Variants in TFCP2L1 observed in about 807,000 individuals in gnomAD.
TFCP2L1 encodes the protein transcription factor CP2 like 1.
A neutral mutation model predicts 72.2 loss-of-function variants in TFCP2L1; 12 were observed. The observed-to-expected ratio is 0.17, with a 90% CI of 0.11 to 0.27. TFCP2L1 has a LOEUF of 0.27. TFCP2L1 is among the 10% of genes least tolerant of loss of function. TFCP2L1 has a pLI of 1.00. For synonymous variants in TFCP2L1, 260 were observed against 251.0 expected (o/e 1.04, Z -0.34); for missense variants, 488 against 624.6 (o/e 0.78, Z 2.33).
At chr2:121,259,115 C>G (rs1226309421) in intron 2 of TFCP2L1, among the ~76,000 whole-genome samples, 1 of 152,076 alleles carries the variant, frequency 6.6e-6, no homozygotes, top group African/African-American at 2.4e-5. Flanking sequence ...GATGCGGTGG[C>G]TAATCCCAGC....
chr2:121,275,263 AGTCGCGGCGCCTG>A (rs1687123005), intron 2 of TFCP2L1, among the ~76,000 whole-genome samples: 1 of 7,436 alleles, frequency 1.3e-4, no homozygotes, highest in African/African-American at 1.6e-3. Flanking sequence ...GGGCGCCTGT[AGTCGCGGCGCCTG>A]TAGTCCCAGC....
chr2:121,225,638 T>C, intron 13 of TFCP2L1, 25 bp from the exon 14 acceptor site: 2 of 1,613,562 alleles, frequency 1.2e-6, no homozygotes, highest in Non-Finnish European at 1.7e-6. Context: ...AGAGAACATG[T>C]TCCTTCAACC....
intron 2 of TFCP2L1, among the ~76,000 whole-genome samples, 162 bp downstream of exon 2, chr2:121,280,958 C>T (rs1045194636): frequency 2.0e-5 from 3 of 152,062 alleles, no homozygotes; most frequent in Admixed American, 2.0e-4. Flanking sequence ...GGGGGTCACA[C>T]AGCTGGAAAA....
chr2:121,273,432 C>G (rs948534168), intron 2 of TFCP2L1, among the ~76,000 whole-genome samples: 1 of 152,192 alleles, frequency 6.6e-6, no homozygotes, highest in Admixed American at 6.5e-5. Context: ...AGTTTGCAAA[C>G]CTCTGTTCAA....
chr2:121,284,760 G>A (rs1687332252), intron 1 of TFCP2L1, among the ~76,000 whole-genome samples: 1 of 152,184 alleles, frequency 6.6e-6, no homozygotes, highest in Admixed American at 6.5e-5. Context: ...CGGCGGGCCG[G>A]CAGGTGCGCG....
At chr2:121,231,783 G>C in intron 13 of TFCP2L1, 43 bp downstream of exon 13, 1 of 1,603,548 alleles carries the variant, frequency 6.2e-7, no homozygotes, top group African/African-American at 1.3e-5. Flanking sequence ...TCCTCCCGTG[G>C]CCCAGAGCCC....
At position 121,218,832 on chromosome 2, in the gene TFCP2L1, G is replaced by C. The variant is rs1158304518; in HGVS notation, c.*5509C>G. 6.6e-6 allele frequency: 1 copy of C among 152,366 alleles called. No individual in the cohort carries two copies. The highest frequency in any genetic ancestry group is 1.5e-5 in the Non-Finnish European group (1 of 68,232). The allele number at this position is 152,366 out of a possible 1,614,324, so 9.4% of individuals were successfully genotyped here. A position where few individuals can be genotyped will look rare whatever the true frequency, so the allele number is the denominator to read the frequency against. On this transcript the variant is annotated 3_prime_UTR_variant, in exon 15 of 15. Coordinates refer to ENST00000263707, the MANE Select transcript of TFCP2L1 (RefSeq NM_014553.3). The stretch of plus-strand genomic sequence containing the variant: ...TGTGACCCATAGATTGGGGGAGGGA[G>C]GAAAGCCAGGAGGAGCTTTTGCAGA...
Position 121,224,385 on chromosome 2 carries a change from C to T in TFCP2L1, c.1396G>A (p.Glu466Lys). Reference sequence around the variant, plus strand: ...ATGATGTGGTAGCCATCATTGCTCTCAGCTGCAAGAGAGAAACACTGGGTG... The same window carrying T: ...ATGATGTGGTAGCCATCATTGCTCTTAGCTGCAAGAGAGAAACACTGGGTG... ...SCFVLSTIKA[E>K]SNDGYHIILK... Residue 466 changes from glutamate to lysine, a missense_variant and splice_region_variant, in exon 15 of 15, where the codon GAG becomes AAG. Glu to Lys is a moderately conservative substitution (Grantham distance 56). Transcript: ENST00000263707. 6.2e-7 allele frequency: 1 copy of T among 1,613,824 alleles called. No individual in the cohort carries two copies. Among genetic ancestry groups the T allele is most frequent in the Non-Finnish European group, 8.5e-7 (1 of 1,179,936 alleles).
chr2:121,261,004 C>T lies in TFCP2L1; in HGVS notation c.215-11357G>A, dbSNP rs372925983. 2.1e-4 allele frequency among the ~76,000 whole-genome samples: 32 copies of T among 152,338 alleles called. No homozygotes were observed. In the South Asian group the frequency reaches 4.6e-3, roughly 22 times the overall value. ...CTGGATGCCAACTGTCTGGTAATAA[C>T]GGTAGATGCAGAAAGCACAATCCTG... On this transcript the variant is annotated intron_variant, in intron 2 of 14. Coordinates refer to ENST00000263707, the MANE Select transcript of TFCP2L1 (RefSeq NM_014553.3).
At chr2:121,284,734 G>T (rs918897204) in intron 1 of TFCP2L1, among the ~76,000 whole-genome samples, 5 of 152,182 alleles carry the variant, frequency 3.3e-5, no homozygotes, top group African/African-American at 9.6e-5. Flanking sequence ...GCAGGGGGCG[G>T]ACGGGCCAGG....
chr2:121,273,163 G>A (rs1487784521), intron 2 of TFCP2L1, among the ~76,000 whole-genome samples: 3 of 152,156 alleles, frequency 2.0e-5, no homozygotes, highest in African/African-American at 7.2e-5. Context: ...CTATACTTAA[G>A]ACTCAAGAGT....
intron 2 of TFCP2L1, among the ~76,000 whole-genome samples, chr2:121,263,921 TA>T (rs1382409965): frequency 6.6e-6 from 1 of 152,102 alleles, no homozygotes; most frequent in East Asian, 1.9e-4. Context: ...GTAAATGCAT[TA>T]ACTTGCCAAA....
intron 10 of TFCP2L1, among the ~76,000 whole-genome samples, chr2:121,235,854 C>T (rs187749262): frequency 9.9e-5 from 15 of 152,104 alleles, no homozygotes; most frequent in Admixed American, 3.9e-4. Flanking sequence ...CACCCCAGGA[C>T]CCAGCACTCA....
chr2:121,279,625 A>T lies in TFCP2L1; in HGVS notation c.214+1495T>A, dbSNP rs529073698. Among the ~76,000 whole-genome samples, 15 of 152,348 alleles carry T rather than the reference A, an allele frequency of 9.8e-5. No homozygotes were observed. In the South Asian group the frequency reaches 2.9e-3, roughly 29 times the overall value. On this transcript the variant is annotated intron_variant, in intron 2 of 14. Coordinates refer to ENST00000263707, the MANE Select transcript of TFCP2L1 (RefSeq NM_014553.3). Reference sequence around the variant, plus strand: ...TCTTGGCCCAGAAGCTGGCAAATTCAGCAGTAAGCAGAGAGCCTGATGACC... The same window carrying T: ...TCTTGGCCCAGAAGCTGGCAAATTCTGCAGTAAGCAGAGAGCCTGATGACC...
At chr2:121,246,595 C>A (rs987453927) in intron 6 of TFCP2L1, among the ~76,000 whole-genome samples, 1 of 152,218 alleles carries the variant, frequency 6.6e-6, no homozygotes, top group Non-Finnish European at 1.5e-5. Context: ...AGAAGCTGAG[C>A]GGGTGCCGCA....
At chr2:121,270,605 C>G (rs1687027301) in intron 2 of TFCP2L1, among the ~76,000 whole-genome samples, 1 of 152,162 alleles carries the variant, frequency 6.6e-6, no homozygotes, top group Admixed American at 6.5e-5. Flanking sequence ...AGCTATACAA[C>G]AGCCATACAA....
intron 2 of TFCP2L1, among the ~76,000 whole-genome samples, chr2:121,268,759 T>C (rs1166288320): frequency 1.3e-5 from 2 of 150,736 alleles, no homozygotes; most frequent in Non-Finnish European, 1.5e-5. Context: ...TAATTAATAG[T>C]GTCATTCAGG....
At chr2:121,285,005 C>T (rs1295175278) in intron 1 of TFCP2L1, 43 bp downstream of exon 1, 1 of 1,438,716 alleles carries the variant, frequency 7.0e-7, no homozygotes, top group Non-Finnish European at 9.1e-7. Context: ...GCCCGGCCCG[C>T]CGGCCCGGCC....
intron 1 of TFCP2L1, 73 bp from the exon 2 acceptor site, chr2:121,281,344 G>A: frequency 6.7e-7 from 1 of 1,501,786 alleles, no homozygotes; most frequent in Non-Finnish European, 8.8e-7. Flanking sequence ...GGCGAAGCTA[G>A]AGAGACGACG....
Sources: gnomAD v4.1 joint callset for allele counts (sites outside exome capture counted in the v4.1 genomes callset) on GRCh38, gnomAD v4.1.1 for gene constraint, MANE v1.5 for transcripts, NCBI Gene and HGNC (gene_info 2026-07-23, HGNC 2026-07-21) for gene names.